The following GRIN1 variants were observed in gnomAD, a reference collection of about 807,000 sequenced individuals.
GRIN1 encodes the protein glutamate receptor ionotropic, NMDA 1.
A neutral mutation model predicts 103.0 loss-of-function variants in GRIN1; 38 were observed. The ratio of observed to expected loss-of-function variants is 0.37; its 90% CI spans 0.28 to 0.48. The LOEUF is 0.48. GRIN1 is among the 20% of genes least tolerant of loss of function. The probability of loss-of-function intolerance (pLI) is 0.98; values close to 1 mark genes in which losing one functional copy is unlikely to be tolerated. For missense variants in GRIN1, 577 were observed against 1,288.9 expected (o/e 0.45, Z 8.46); for synonymous variants, 544 against 532.7 (o/e 1.02, Z -0.29).
chr9:137,166,989 G>A (rs1413534490), intron 19 of GRIN1, among the ~76,000 whole-genome samples: 1 of 152,234 alleles, frequency 6.6e-6, no homozygotes, highest in East Asian at 1.9e-4. Context: ...GGCCCTGCCT[G>A]GAGCGAGGCC....
At chr9:137,156,534 G>A (rs1336521991) in intron 4 of GRIN1, 135 bp from the exon 5 acceptor site, 2 of 1,280,464 alleles carry the variant, frequency 1.6e-6, no homozygotes, top group African/African-American at 1.5e-5. Flanking sequence ...GCGCCTCTGC[G>A]AGGTCTGCAG....
intron 3 of GRIN1, chr9:137,148,077 T>C (rs1378596845): frequency 6.9e-6 from 7 of 1,007,952 alleles, no homozygotes; most frequent in Non-Finnish European, 1.1e-5. Flanking sequence ...TGTGATTGCT[T>C]TAGCGCCGTC....
chr9:137,153,745 C>T (rs114420397), intron 4 of GRIN1, among the ~76,000 whole-genome samples: 2,281 of 152,248 alleles, frequency 0.015, 55 homozygotes, highest in African/African-American at 0.052. Flanking sequence ...GCTACATGCA[C>T]ACCATACCCC....
At chr9:137,141,687 T>A (rs1832170420) in intron 1 of GRIN1, among the ~76,000 whole-genome samples, 2 of 152,038 alleles carry the variant, frequency 1.3e-5, no homozygotes, top group South Asian at 4.2e-4. Context: ...GGACCAGCCA[T>A]CCTCCCCGGT....
Position 137,146,359 on chromosome 9 carries a change from G to C in GRIN1, c.570+457G>C. ...CCCCTCCTGGCTGGGCCCATTCCCT[G>C]TCCTCCCCCGCGTGGCCTCCCCTGA... is the stretch of plus-strand genomic sequence containing the variant. On this transcript the variant is annotated intron_variant, in intron 3 of 19. Transcript: ENST00000371561. This position sits in a 1 kb window ranked among gnomAD's most constrained non-coding sequence, Gnocchi z 6.7. 6.6e-6 allele frequency among the ~76,000 whole-genome samples: 1 copy of C among 150,800 alleles called. No homozygotes were observed. Among genetic ancestry groups the C allele is most frequent in the East Asian group, 1.9e-4 (1 of 5,156 alleles).
Position 137,161,917 on chromosome 9 carries a change from C to T in GRIN1, c.1468-7C>T, listed in dbSNP as rs202036974. 1 of 1,554,622 alleles carries T rather than the reference C, an allele frequency of 6.4e-7. No individual in the cohort carries two copies. The highest frequency in any genetic ancestry group is 2.4e-5 in the East Asian group (1 of 41,264). Reference sequence around the variant, plus strand: ...CCTGCATGCCCGCCGGCTCTGTCGCCTCGCAGGTGAACAACAGCAACAAGA... The same window carrying T: ...CCTGCATGCCCGCCGGCTCTGTCGCTTCGCAGGTGAACAACAGCAACAAGA... On this transcript the variant is annotated splice_polypyrimidine_tract_variant and splice_region_variant and intron_variant, in intron 10 of 19. Transcript: ENST00000371561.
chr9:137,151,136 C>G (rs1832871451), intron 4 of GRIN1, among the ~76,000 whole-genome samples: 1 of 147,084 alleles, frequency 6.8e-6, no homozygotes, highest in Admixed American at 6.7e-5. Context: ...CGGGGAAAGC[C>G]CTGCCCAGAA....
chr9:137,161,163 C>T lies in GRIN1; in HGVS notation c.1305C>T (p.Ile435=). The change falls in exon 9 of 20, where the codon ATC becomes ATT. Residue 435 remains isoleucine (I), a synonymous_variant. Transcript: ENST00000371561. The part of the protein sequence containing the change: ...TVNGDPVKKV[I]CTGPNDTSPG... ...ACGGCGACCCAGTCAAGAAGGTGAT[C>T]TGCACCGGGCCCAACGACACGTCGC... The T allele has an allele frequency of 6.2e-7, 1 of 1,612,322 alleles. No individual in the cohort carries two copies. Among genetic ancestry groups the T allele is most frequent in the Non-Finnish European group, 8.5e-7 (1 of 1,179,726 alleles).
At position 137,163,190 on chromosome 9, in the gene GRIN1, G is replaced by A. The variant is rs932809630; in HGVS notation, c.2193G>A (p.Trp731Ter). ...GCAGCAAGCTGCATGCCTTCATCTG[G>A]GACTCGGCGGTGCTGGAGTTCGAGG... is the stretch of plus-strand genomic sequence containing the variant. ...VRDNKLHAFI[W>*]DSAVLEFEAS... The change falls in exon 16 of 20, where the codon TGG becomes TGA. Residue 731 changes from tryptophan to a stop codon, truncating the protein, a stop_gained. Transcript: ENST00000371561. LOFTEE classifies it high-confidence loss of function. The A allele has an allele frequency of 1.9e-6, 3 of 1,613,444 alleles. No homozygotes were observed. Among genetic ancestry groups the A allele is most frequent in the Non-Finnish European group, 2.5e-6 (3 of 1,179,922 alleles).
rs748297882 is a variant in GRIN1, at chr9:137,163,649, T to C, written c.2424T>C (p.Leu808=). 4 of 1,613,468 alleles carry C rather than the reference T, an allele frequency of 2.5e-6. No homozygotes were observed. The highest frequency in any genetic ancestry group is 1.3e-5 in the African/African-American group (1 of 74,912). The change falls in exon 17 of 20, where the codon CTT becomes CTC. Residue 808 remains leucine, a synonymous_variant. Coordinates refer to ENST00000371561, the MANE Select transcript of GRIN1 (RefSeq NM_007327.4). ...CDSRSNAPAT[L]TFENMAGVFM... is the part of the protein sequence containing the mutation. ...CGCGCAGCAACGCCCCTGCGACCCT[T>C]ACTTTTGAGAACATGGCCGGTGCGT...
intron 15 of GRIN1, 23 bp from the exon 16 acceptor site, chr9:137,163,146 C>T (rs776768369): frequency 6.2e-7 from 1 of 1,611,124 alleles, no homozygotes; most frequent in Non-Finnish European, 8.5e-7. Flanking sequence ...CCAAGGCCCC[C>T]GTGACTCCGC....
At chr9:137,148,378 G>T (rs182678957) in intron 3 of GRIN1, among the ~76,000 whole-genome samples, 1 of 152,202 alleles carries the variant, frequency 6.6e-6, no homozygotes, top group East Asian at 1.9e-4. Flanking sequence ...GAGGGCAGGC[G>T]TGGCGGCGTG....
intron 19 of GRIN1, 106 bp from the exon 20 acceptor site, chr9:137,167,305 C>T (rs1038356485): frequency 9.2e-6 from 8 of 868,866 alleles, no homozygotes; most frequent in Admixed American, 6.1e-5. Context: ...ATCCCCTGCC[C>T]CTGTCCTGTG....
chr9:137,157,065 G>A, intron 6 of GRIN1, 28 bp downstream of exon 6: 3 of 1,588,424 alleles, frequency 1.9e-6, no homozygotes, highest in Non-Finnish European at 2.6e-6. Context: ...GGAGCTGGGC[G>A]GGGCTGCTCT....
At chr9:137,148,929 C>A in intron 3 of GRIN1, 80 bp from the exon 4 acceptor site, 2 of 1,036,018 alleles carry the variant, frequency 1.9e-6, no homozygotes, top group Non-Finnish European at 1.5e-6. Context: ...GGGTTCCCAG[C>A]GGCTCCGGCC....
chr9:137,168,097 T>TG lies in GRIN1; in HGVS notation c.*574dup, dbSNP rs996016647. On this transcript the variant is annotated 3_prime_UTR_variant, in exon 20 of 20. Coordinates refer to ENST00000371561, the MANE Select transcript of GRIN1 (RefSeq NM_007327.4). ...GGGCGCTCCGGCAGAGGCAGGGCCC[T>TG]GGGGTCTCTGAGCAGTGGGGAGCGG... The TG allele has an allele frequency of 5.2e-6, 3 of 578,440 alleles. No homozygotes were observed. In the East Asian group the frequency reaches 8.8e-5, roughly 17 times the overall value. The allele number at this position is 578,440 out of a possible 1,614,324, so 35.8% of individuals were successfully genotyped here.
chr9:137,164,287 C>G (rs1271021744), intron 18 of GRIN1: 1 of 342,584 alleles, frequency 2.9e-6, no homozygotes, highest in African/African-American at 2.1e-5. Flanking sequence ...ACCCAAGCCC[C>G]TTGACACCCT....
chr9:137,148,085 G>A (rs1310137260), intron 3 of GRIN1: 2 of 1,094,206 alleles, frequency 1.8e-6, no homozygotes, highest in African/African-American at 1.6e-5. Context: ...CTTTAGCGCC[G>A]TCATTTTCAA....
chr9:137,160,613 G>C (rs1487253178), intron 8 of GRIN1, among the ~76,000 whole-genome samples: 2 of 152,148 alleles, frequency 1.3e-5, no homozygotes, highest in African/African-American at 4.8e-5. Context: ...TGTATTTTCA[G>C]TAGAGACGGG....
Sources: allele counts gnomAD v4.1 joint callset (sites outside exome capture counted in the v4.1 genomes callset), GRCh38; gene constraint gnomAD v4.1.1; non-coding constraint Gnocchi (gnomAD v3.1); transcripts MANE v1.5; gene names NCBI Gene and HGNC (gene_info 2026-07-23, HGNC 2026-07-21).